The following SEMA6D variants were observed in gnomAD, a reference collection of about 807,000 sequenced individuals.
SEMA6D encodes semaphorin-6D.
In SEMA6D, 35 loss-of-function variants were observed where a neutral mutation model predicts 106.6. The observed-to-expected ratio is 0.33, with a 90% CI of 0.25 to 0.44. The LOEUF (loss-of-function observed/expected upper bound fraction) is 0.44. Among genes scored for constraint, SEMA6D ranks in the 20% least tolerant of loss-of-function variants. The probability of loss-of-function intolerance (pLI) is 1.00; values close to 1 mark genes in which losing one functional copy is unlikely to be tolerated. For missense variants in SEMA6D, 1,185 were observed against 1,345.9 expected (o/e 0.88, Z 1.87); for synonymous variants, 499 against 487.7 (o/e 1.02, Z -0.31).
chr15:47,704,930 A>G (rs1280590501), intron 4 of SEMA6D, among the ~76,000 whole-genome samples: 1 of 152,208 alleles, frequency 6.6e-6, no homozygotes, highest in African/African-American at 2.4e-5. Context: ...TATAAGAGCT[A>G]TAATCAAGTT....
chr15:47,417,009 G>A (rs1263010914), intron 2 of SEMA6D, among the ~76,000 whole-genome samples: 1 of 152,012 alleles, frequency 6.6e-6, no homozygotes, highest in East Asian at 1.9e-4. Flanking sequence ...TGTCGTTAGA[G>A]CTCAGTGACT....
At position 47,760,359 on chromosome 15, in the gene SEMA6D, C is replaced by T; in HGVS notation, c.165C>T (p.His55=). The change falls in exon 3 of 19, where the codon CAC becomes CAT. Residue 55 remains histidine (H), a synonymous_variant. Coordinates refer to ENST00000536845, the MANE Select transcript of SEMA6D (RefSeq NM_001358351.3). ...GCCCTTCAGGCAATGAATCGCAGCA[C>T]AGGCTGGACTTTCAGCTGATGTTGA... ...RGRPSGNESQ[H]RLDFQLMLKI... The T allele has an allele frequency of 6.2e-7, 1 of 1,613,700 alleles. No individual in the cohort carries two copies. The highest frequency in any genetic ancestry group is 8.5e-7 in the Non-Finnish European group (1 of 1,179,710).
At chr15:47,493,306 A>C (rs537244910) in intron 3 of SEMA6D, among the ~76,000 whole-genome samples, 1 of 152,166 alleles carries the variant, frequency 6.6e-6, no homozygotes, top group Non-Finnish European at 1.5e-5. Flanking sequence ...GAAACACACT[A>C]TGTGAAATTT....
chr15:47,203,097 G>A (rs1894828151), intron 1 of SEMA6D, among the ~76,000 whole-genome samples: 1 of 152,126 alleles, frequency 6.6e-6, no homozygotes, highest in African/African-American at 2.4e-5. Context: ...TTCTGGACCT[G>A]CCTGTTTGAA....
At chr15:47,664,305 A>C in intron 4 of SEMA6D, among the ~76,000 whole-genome samples, 1 of 152,294 alleles carries the variant, frequency 6.6e-6, no homozygotes, top group Middle Eastern at 3.4e-3. Flanking sequence ...ATTATTTTGG[A>C]AGATTCCTCA....
At chr15:47,197,562 G>A (rs185834783) in intron 1 of SEMA6D, among the ~76,000 whole-genome samples, 290 of 151,350 alleles carry the variant, frequency 1.9e-3, no homozygotes, top group Non-Finnish European at 3.6e-3. Flanking sequence ...GAGTGGAGAG[G>A]GGGAATTAAT....
At chr15:47,230,501 C>T (rs184785148) in intron 1 of SEMA6D, among the ~76,000 whole-genome samples, 164 of 152,088 alleles carry the variant, frequency 1.1e-3, no homozygotes, top group Non-Finnish European at 1.6e-3. Context: ...CTCCCATCTC[C>T]AGTACCTAAC....
At chr15:47,747,965 C>T (rs2081236616) in intron 1 of SEMA6D, among the ~76,000 whole-genome samples, 1 of 152,226 alleles carries the variant, frequency 6.6e-6, no homozygotes, top group East Asian at 1.9e-4. Flanking sequence ...ACTCTCTAAT[C>T]TCAGGAATAG....
At chr15:47,201,105 A>G (rs1031408107) in intron 1 of SEMA6D, among the ~76,000 whole-genome samples, 2 of 152,150 alleles carry the variant, frequency 1.3e-5, no homozygotes, top group African/African-American at 4.8e-5. Context: ...TGTGTGTTTT[A>G]TATTTTGGAA....
chr15:47,610,305 A>G (rs28431305), intron 4 of SEMA6D, among the ~76,000 whole-genome samples: 17,538 of 152,204 alleles, frequency 0.12, 1,816 homozygotes, highest in African/African-American at 0.28. Context: ...TTCTTCCCAG[A>G]AAGATAATTA....
At chr15:47,322,596 G>T (rs1264651953) in intron 1 of SEMA6D, among the ~76,000 whole-genome samples, 1 of 152,070 alleles carries the variant, frequency 6.6e-6, no homozygotes, top group East Asian at 1.9e-4. Flanking sequence ...TATTGTTACT[G>T]GTGACATTAA....
chr15:47,736,380 C>G (rs777761953), intron 1 of SEMA6D, among the ~76,000 whole-genome samples: 1 of 152,156 alleles, frequency 6.6e-6, no homozygotes, highest in Non-Finnish European at 1.5e-5. Context: ...GATTATCTTA[C>G]GACTGAGAAA....
chr15:47,653,634 T>C (rs2077735146), intron 4 of SEMA6D, among the ~76,000 whole-genome samples: 1 of 152,250 alleles, frequency 6.6e-6, no homozygotes, highest in South Asian at 2.1e-4. Context: ...CTTATTATCT[T>C]TGTGATTCAG....
At chr15:47,303,275 G>A (rs1156915726) in intron 1 of SEMA6D, among the ~76,000 whole-genome samples, 1 of 152,200 alleles carries the variant, frequency 6.6e-6, no homozygotes, top group East Asian at 1.9e-4. Flanking sequence ...CTGATATTAT[G>A]CATAGGTTTC....
At chr15:47,567,659 G>T (rs931076113) in intron 3 of SEMA6D, among the ~76,000 whole-genome samples, 1 of 152,018 alleles carries the variant, frequency 6.6e-6, no homozygotes, top group Non-Finnish European at 1.5e-5. Flanking sequence ...CCTTCAATTT[G>T]TATTTCCTTC....
chr15:47,597,979 C>T (rs1396439466), intron 3 of SEMA6D, among the ~76,000 whole-genome samples: 1 of 151,672 alleles, frequency 6.6e-6, no homozygotes, highest in Non-Finnish European at 1.5e-5. Flanking sequence ...TCACTGTGTT[C>T]AGTGTTTCCT....
chr15:47,228,748 C>G (rs2031985598), intron 1 of SEMA6D, among the ~76,000 whole-genome samples: 1 of 152,058 alleles, frequency 6.6e-6, no homozygotes, highest in East Asian at 1.9e-4. Context: ...AGAAGAGAGG[C>G]AGGAGACTGG....
At chr15:47,473,724 C>T (rs547626435) in intron 3 of SEMA6D, among the ~76,000 whole-genome samples, 24 of 152,264 alleles carry the variant, frequency 1.6e-4, no homozygotes, top group African/African-American at 5.1e-4. Flanking sequence ...TGCCTGGGGT[C>T]CCCTGGAAGG....
chr15:47,406,382 C>T (rs913098614), intron 1 of SEMA6D, among the ~76,000 whole-genome samples: 19 of 152,136 alleles, frequency 1.2e-4, no homozygotes, highest in African/African-American at 4.6e-4. Flanking sequence ...AGACTTCCTG[C>T]ACCTGTAAAT....
Sources: gnomAD v4.1 joint callset for allele counts (sites outside exome capture counted in the v4.1 genomes callset) on GRCh38, gnomAD v4.1.1 for gene constraint, MANE v1.5 for transcripts, NCBI Gene and HGNC (gene_info 2026-07-23, HGNC 2026-07-21) for gene names.